TMEM232: variants seen among roughly 807,000 people sequenced by gnomAD.
TMEM232 encodes transmembrane protein 232.
In TMEM232, 80 loss-of-function variants were observed where a neutral mutation model predicts 78.8. That is an observed-to-expected ratio of 1.01 (90% CI 0.85 to 1.22). The LOEUF (loss-of-function observed/expected upper bound fraction) is 1.22. TMEM232 is among the 50% of genes most tolerant of loss of function. TMEM232 has a pLI of 0.00. For missense variants in TMEM232, 881 were observed against 742.2 expected (o/e 1.19, Z -2.17); for synonymous variants, 297 against 254.3 (o/e 1.17, Z -1.60).
intron 2 of TMEM232, among the ~76,000 whole-genome samples, chr5:110,400,632 TACGTTCATTGTAA>T (rs1755557019): frequency 6.6e-6 from 1 of 152,134 alleles, no homozygotes; most frequent in Non-Finnish European, 1.5e-5. Context: ...CCAAATTAAT[TACGTTCATTGTAA>T]ATGCAGATAT....
At chr5:110,565,834 C>A (rs1442206545) in intron 11 of TMEM232, among the ~76,000 whole-genome samples, 1 of 151,812 alleles carries the variant, frequency 6.6e-6, no homozygotes, top group Non-Finnish European at 1.5e-5. Context: ...TTCATATGAA[C>A]AAATCTAGTA....
At chr5:110,482,634 A>G (rs1263626141) in intron 12 of TMEM232, among the ~76,000 whole-genome samples, 1 of 151,004 alleles carries the variant, frequency 6.6e-6, no homozygotes, top group Non-Finnish European at 1.5e-5. Context: ...ATGAGCTTAC[A>G]TAACCAAAAG....
intron 1 of TMEM232, among the ~76,000 whole-genome samples, chr5:110,669,664 C>A (rs1378093536): frequency 6.6e-6 from 1 of 152,076 alleles, no homozygotes; most frequent in African/African-American, 2.4e-5. Flanking sequence ...CAAAGCCTGG[C>A]AGAGACACAA....
chr5:110,510,900 T>C (rs1283507078), intron 12 of TMEM232, among the ~76,000 whole-genome samples: 1 of 152,156 alleles, frequency 6.6e-6, no homozygotes, highest in African/African-American at 2.4e-5. Context: ...TCCTCAAGGA[T>C]CTAGAATCAG....
chr5:110,568,978 T>C (rs1296693512), intron 10 of TMEM232, among the ~76,000 whole-genome samples: 1 of 151,912 alleles, frequency 6.6e-6, no homozygotes, highest in African/African-American at 2.4e-5. Flanking sequence ...CAGGCCACCA[T>C]GGTGAATTTT....
chr5:110,698,173 A>C (rs1285530447), intron 1 of TMEM232, among the ~76,000 whole-genome samples: 1 of 152,158 alleles, frequency 6.6e-6, no homozygotes, highest in Non-Finnish European at 1.5e-5. Flanking sequence ...CATTCTCAGC[A>C]AACTATCACA....
intron 1 of TMEM232, among the ~76,000 whole-genome samples, chr5:110,696,395 G>A (rs892900224): frequency 3.3e-5 from 5 of 152,150 alleles, no homozygotes; most frequent in African/African-American, 1.2e-4. Context: ...ACGGGCACAA[G>A]ACAGGGATGC....
At chr5:110,575,781 G>C (rs774763418) in intron 10 of TMEM232, among the ~76,000 whole-genome samples, 3 of 152,038 alleles carry the variant, frequency 2.0e-5, no homozygotes, top group African/African-American at 4.8e-5. Context: ...TTCTCCCACA[G>C]ATCTTTGCAA....
intron 1 of TMEM232, among the ~76,000 whole-genome samples, chr5:110,736,128 T>G (rs186898104): frequency 8.5e-5 from 13 of 152,376 alleles, no homozygotes. Flanking sequence ...GGCCACTTTA[T>G]AAATTCATGT....
intron 12 of TMEM232, among the ~76,000 whole-genome samples, chr5:110,506,050 A>C (rs1317134480): frequency 6.6e-6 from 1 of 152,094 alleles, no homozygotes; most frequent in Non-Finnish European, 1.5e-5. Context: ...GAGGGTGTCT[A>C]TTGCTCTGAG....
chr5:110,579,591 G>T, intron 10 of TMEM232, among the ~76,000 whole-genome samples: 1 of 151,678 alleles, frequency 6.6e-6, no homozygotes, highest in Non-Finnish European at 1.5e-5. Context: ...TTTTGTATAA[G>T]ATTGATGTTG....
chr5:110,537,813 T>C (rs1772587302), intron 11 of TMEM232, among the ~76,000 whole-genome samples: 2 of 152,222 alleles, frequency 1.3e-5, no homozygotes, highest in Admixed American at 1.3e-4. Flanking sequence ...ATTTCAAGAA[T>C]CCCAGGAAAT....
At chr5:110,423,195 A>G (rs1002489858) in intron 13 of TMEM232, among the ~76,000 whole-genome samples, 3 of 152,228 alleles carry the variant, frequency 2.0e-5, no homozygotes, top group Non-Finnish European at 4.4e-5. Context: ...ATCATAAGCC[A>G]AGAACTTCAG....
intron 12 of TMEM232, among the ~76,000 whole-genome samples, chr5:110,507,822 C>T (rs759572844): frequency 6.6e-6 from 1 of 152,086 alleles, no homozygotes; most frequent in African/African-American, 2.4e-5. Context: ...AAATGCACAG[C>T]CTTTAGAGAG....
intron 13 of TMEM232, among the ~76,000 whole-genome samples, chr5:110,422,885 T>C (rs1756823440): frequency 6.6e-6 from 1 of 152,154 alleles, no homozygotes; most frequent in Non-Finnish European, 1.5e-5. Flanking sequence ...TTGTGGTAGC[T>C]AGAAGGAAGC....
chr5:110,603,226 C>G (rs181201069), intron 10 of TMEM232, among the ~76,000 whole-genome samples: 56 of 152,082 alleles, frequency 3.7e-4, no homozygotes, highest in Admixed American at 6.6e-4. Context: ...GTTTTAAAAC[C>G]ACCACGGCAC....
chr5:110,534,166 C>G (rs1258139653), intron 11 of TMEM232, among the ~76,000 whole-genome samples: 3 of 152,160 alleles, frequency 2.0e-5, no homozygotes, highest in African/African-American at 7.2e-5. Context: ...AGAAGGCCAC[C>G]ACAGTCATTT....
chr5:110,455,194 G>A lies in TMEM232; in HGVS notation c.1704-30278C>T, dbSNP rs572066373. Among the ~76,000 whole-genome samples the A allele has an allele frequency of 3.9e-5, 6 of 152,174 alleles. No homozygotes were observed. The East Asian group carries it at 1.2e-3, about 29-fold the overall frequency. On this transcript the variant is annotated intron_variant, in intron 12 of 13. Coordinates refer to ENST00000455884, the MANE Select transcript of TMEM232 (RefSeq NM_001039763.4). The stretch of plus-strand genomic sequence containing the variant: ...CAAGAAAAAAAATGCCAAGCACAAT[G>A]AATATAACAATTAATTCTTCCACAC...
intron 12 of TMEM232, among the ~76,000 whole-genome samples, chr5:110,504,024 G>A (rs1299215243): frequency 6.6e-6 from 1 of 152,094 alleles, no homozygotes; most frequent in Non-Finnish European, 1.5e-5. Flanking sequence ...GACTATCTTG[G>A]CAGTTTATGA....
Sources: allele counts gnomAD v4.1 joint callset (sites outside exome capture counted in the v4.1 genomes callset), GRCh38; gene constraint gnomAD v4.1.1; transcripts MANE v1.5; gene names NCBI Gene and HGNC (gene_info 2026-07-23, HGNC 2026-07-21).